GLIS3: variants seen among roughly 807,000 people sequenced by gnomAD.
GLIS3 encodes the protein GLIS family zinc finger 3, also known as zinc finger protein GLIS3.
A neutral mutation model predicts 78.6 loss-of-function variants in GLIS3; 53 were observed. The observed-to-expected ratio is 0.67, with a 90% CI of 0.54 to 0.85. GLIS3 has a LOEUF of 0.85. Ranked by LOEUF, GLIS3 falls within the 40% of genes least tolerant of loss-of-function variation. The pLI is 0.00. For missense variants in GLIS3, 1,703 were observed against 1,231.1 expected, an observed-to-expected ratio of 1.38 and a Z score of -5.74; for synonymous variants, 684 against 509.9, an observed-to-expected ratio of 1.34 and a Z score of -4.60.
At chr9:4,470,355 A>G in the GLIS3 span, among the ~76,000 whole-genome samples, 7 of 152,244 alleles carry the variant, frequency 4.6e-5, no homozygotes, top group African/African-American at 1.2e-4. Context: ...AAAATCCTCA[A>G]TAAAATACTG....
At chr9:4,487,212 G>C in the GLIS3 span, among the ~76,000 whole-genome samples, 118 of 152,212 alleles carry the variant, frequency 7.8e-4, 1 homozygote, top group African/African-American at 2.6e-3. Flanking sequence ...TGATCAATGA[G>C]CAAGAGTTCT....
intron 2 of GLIS3, among the ~76,000 whole-genome samples, chr9:4,326,277 A>G (rs1406794287): frequency 6.6e-6 from 1 of 152,254 alleles, no homozygotes; most frequent in Non-Finnish European, 1.5e-5. Context: ...AGCATCATTC[A>G]CAACAGTGAA....
chr9:4,115,082 G>A (rs1831531332), intron 4 of GLIS3, among the ~76,000 whole-genome samples: 1 of 152,128 alleles, frequency 6.6e-6, no homozygotes, highest in Non-Finnish European at 1.5e-5. Context: ...TCACTGAGTA[G>A]CCCTCTCACA....
At chr9:4,438,326 A>C in the GLIS3 span, among the ~76,000 whole-genome samples, 1 of 152,240 alleles carries the variant, frequency 6.6e-6, no homozygotes, top group East Asian at 1.9e-4. Context: ...AAAATCGCAG[A>C]TATAGCTAAA....
At chr9:4,128,029 A>G (rs935179915) in intron 2 of GLIS3, among the ~76,000 whole-genome samples, 1 of 152,238 alleles carries the variant, frequency 6.6e-6, no homozygotes, top group Non-Finnish European at 1.5e-5. Context: ...CAACTAGTGC[A>G]TGATGTCCAG....
At chr9:4,204,995 T>C (rs912833358) in intron 2 of GLIS3, among the ~76,000 whole-genome samples, 1 of 149,952 alleles carries the variant, frequency 6.7e-6, no homozygotes, top group Non-Finnish European at 1.5e-5. Flanking sequence ...CTGGCCAACA[T>C]GATGAAACCC....
At chr9:4,314,809 T>A (rs764360914) in intron 2 of GLIS3, among the ~76,000 whole-genome samples, 1 of 152,212 alleles carries the variant, frequency 6.6e-6, no homozygotes, top group Non-Finnish European at 1.5e-5. Flanking sequence ...TGAGCCTTCA[T>A]AGGGCTGTAG....
At chr9:4,229,054 C>T (rs1822027063) in intron 2 of GLIS3, among the ~76,000 whole-genome samples, 1 of 152,112 alleles carries the variant, frequency 6.6e-6, no homozygotes, top group Non-Finnish European at 1.5e-5. Context: ...GGGGAATGAG[C>T]TCCAAAATTA....
chr9:4,211,620 T>C (rs780358759), intron 2 of GLIS3, among the ~76,000 whole-genome samples: 2 of 152,190 alleles, frequency 1.3e-5, no homozygotes, highest in Non-Finnish European at 2.9e-5. Context: ...AGTTTGGTAG[T>C]TTCTTAAAAC....
intron 4 of GLIS3, among the ~76,000 whole-genome samples, chr9:4,057,155 A>C (rs763195047): frequency 6.6e-6 from 1 of 152,186 alleles, no homozygotes; most frequent in East Asian, 1.9e-4. Flanking sequence ...CCAGAAGTAG[A>C]GAGAATACTA....
chr9:4,070,545 TGAGA>T (rs370081608), intron 4 of GLIS3, among the ~76,000 whole-genome samples: 3 of 151,872 alleles, frequency 2.0e-5, no homozygotes, highest in African/African-American at 2.4e-5. Flanking sequence ...TGTGTGTGTG[TGAGA>T]GAGAGAGATG....
intron 2 of GLIS3, among the ~76,000 whole-genome samples, chr9:4,195,306 G>A (rs1292793395): frequency 2.0e-5 from 3 of 152,200 alleles, no homozygotes; most frequent in Non-Finnish European, 4.4e-5. Context: ...AGGGAGAGGC[G>A]CGGGTGGGAA....
chr9:4,237,014 G>T (rs544992598), intron 2 of GLIS3, among the ~76,000 whole-genome samples: 1 of 151,946 alleles, frequency 6.6e-6, no homozygotes, highest in Non-Finnish European at 1.5e-5. Flanking sequence ...GCTTCATTAG[G>T]CACATGTGGC....
chr9:4,173,583 CACACACACACACACACACAT>C (rs766322374), intron 2 of GLIS3, among the ~76,000 whole-genome samples: 4 of 111,188 alleles, frequency 3.6e-5, no homozygotes, highest in South Asian at 3.7e-4. Flanking sequence ...CACACACACA[CACACACACACACACACACAT>C]ATATATGTTT....
chr9:4,376,240 G>C, the GLIS3 span, among the ~76,000 whole-genome samples: 1 of 152,156 alleles, frequency 6.6e-6, no homozygotes, highest in Non-Finnish European at 1.5e-5. Flanking sequence ...TGTTAGGAAG[G>C]AAACAGGTTG....
chr9:4,410,832 A>G, the GLIS3 span, among the ~76,000 whole-genome samples: 1 of 152,204 alleles, frequency 6.6e-6, no homozygotes, highest in Non-Finnish European at 1.5e-5. Context: ...TACTGATAAG[A>G]TTAATCTTTA....
At chr9:4,406,790 T>C in the GLIS3 span, among the ~76,000 whole-genome samples, 34 of 151,804 alleles carry the variant, frequency 2.2e-4, no homozygotes, top group African/African-American at 7.7e-4. Context: ...ATGAAAGAAA[T>C]TGAAGAGGAC....
the GLIS3 span, among the ~76,000 whole-genome samples, chr9:4,353,928 C>T: frequency 2.0e-5 from 3 of 151,928 alleles, no homozygotes; most frequent in African/African-American, 2.4e-5. Context: ...CCCAGGTTCA[C>T]GCCATTCTCC....
intron 6 of GLIS3, among the ~76,000 whole-genome samples, chr9:3,912,151 T>C (rs1353885130): frequency 6.6e-6 from 1 of 152,204 alleles, no homozygotes; most frequent in East Asian, 1.9e-4. Flanking sequence ...CAGAATTACA[T>C]GAGGTGACCT....
Sources: gnomAD v4.1 joint callset for allele counts (sites outside exome capture counted in the v4.1 genomes callset) on GRCh38, gnomAD v4.1.1 for gene constraint, MANE v1.5 for transcripts, NCBI Gene and HGNC (gene_info 2026-07-23, HGNC 2026-07-21) for gene names.